The following BIRC3 variants were observed in gnomAD, a reference collection of about 807,000 sequenced individuals.
The protein encoded by BIRC3 is baculoviral IAP repeat-containing protein 3.
In BIRC3, 26 loss-of-function variants were observed where a neutral mutation model predicts 59.0. The ratio of observed to expected loss-of-function variants is 0.44; its 90% CI spans 0.32 to 0.61. The LOEUF (loss-of-function observed/expected upper bound fraction) is 0.61. BIRC3 is among the 20% of genes least tolerant of loss of function. BIRC3 has a pLI of 0.04. For missense variants in BIRC3, 641 were observed against 711.5 expected, an observed-to-expected ratio of 0.90 and a Z score of 1.13; for synonymous variants, 243 against 249.2, an observed-to-expected ratio of 0.98 and a Z score of 0.24.
rs1174548764 is a variant in BIRC3 at position 102,338,251 on chromosome 11, G to A, written c.*1149G>A. 4.4e-6 allele frequency: 1 copy of A among 227,502 alleles called. No individual in the cohort carries two copies. The highest frequency in any genetic ancestry group is 6.3e-5 in the East Asian group (1 of 15,906). The allele number at this position is 227,502 out of a possible 1,614,324, so 14.1% of individuals were successfully genotyped here. ...AAGAGCAGAAGTAAGACTGTAATAGGGAATACTCAGGGGAAGGCAGGCAAA... is the reference window on the plus strand; with the variant it reads ...AAGAGCAGAAGTAAGACTGTAATAGAGAATACTCAGGGGAAGGCAGGCAAA... On this transcript the variant is annotated 3_prime_UTR_variant, in exon 9 of 9. Coordinates refer to ENST00000263464, the MANE Select transcript of BIRC3 (RefSeq NM_001165.5).
At position 102,336,121 on chromosome 11, in the gene BIRC3, G is replaced by A. The variant is rs199509362; in HGVS notation, c.1480G>A (p.Glu494Lys). ...QKTQTSLQAR[E>K]LIDTILVKGN... ...GACACAGACGTCTTTACAAGCAAGAGAACTGATTGATACGATTTTAGTAAA... is the reference window on the plus strand; with the variant it reads ...GACACAGACGTCTTTACAAGCAAGAAAACTGATTGATACGATTTTAGTAAA... Residue 494 changes from glutamate (E) to lysine (K), a missense_variant, in exon 7 of 9, where the codon GAA becomes AAA. By Grantham distance (56) the Glu-to-Lys change is moderately conservative. Transcript: ENST00000263464. 9 of 1,613,842 alleles carry A rather than the reference G, an allele frequency of 5.6e-6. No homozygotes were observed. Among genetic ancestry groups the A allele is most frequent in the Admixed American group, 5.0e-5 (3 of 60,012 alleles).
chr11:102,332,131 C>T (rs1951148778), intron 6 of BIRC3, among the ~76,000 whole-genome samples: 1 of 152,190 alleles, frequency 6.6e-6, no homozygotes, highest in Admixed American at 6.5e-5. Context: ...TCATGTCCTT[C>T]CATACTAAAC....
In BIRC3 at chr11:102,337,276, A is replaced by G; in HGVS notation, c.*174A>G. 2.3e-6 allele frequency: 1 copy of G among 438,098 alleles called. No individual in the cohort carries two copies. The allele number at this position is 438,098 out of a possible 1,614,324, so 27.1% of individuals were successfully genotyped here. ...TAAACCATATGAACATATATTTTTT[A>G]GAAACTAAGAGAATGATAGGCTTTT... is the stretch of plus-strand genomic sequence containing the variant. On this transcript the variant is annotated 3_prime_UTR_variant, in exon 9 of 9. Coordinates refer to ENST00000263464, the MANE Select transcript of BIRC3 (RefSeq NM_001165.5).
At position 102,325,245 on chromosome 11, in the gene BIRC3, A is replaced by G; in HGVS notation, c.736A>G (p.Thr246Ala). Reference protein sequence around the residue: ...ENQLQDTSRYTVSNLSMQTHA... With the variant: ...ENQLQDTSRYAVSNLSMQTHA... ...TCAGCTTCAAGACACTTCAAGATAC[A>G]CAGTTTCTAATCTGAGCATGCAGAC... Residue 246 changes from threonine to alanine, a missense_variant, in exon 2 of 9, where the codon ACA becomes GCA. Thr to Ala is a moderately conservative substitution (Grantham distance 58). This residue lies in a region of BIRC3 where 329 missense variants were observed against 365.6 expected (regional missense o/e 0.90). Transcript: ENST00000263464. The G allele has an allele frequency of 6.2e-7, 1 of 1,614,128 alleles. No homozygotes were observed. The highest frequency in any genetic ancestry group is 1.1e-5 in the South Asian group (1 of 91,078).
Position 102,337,888 on chromosome 11 carries a change from C to A in BIRC3, c.*786C>A, listed in dbSNP as rs999298281. On this transcript the variant is annotated 3_prime_UTR_variant, in exon 9 of 9. Transcript: ENST00000263464. ...ACACTTGTAGAACACGGGGTCAACA[C>A]ATCATAAAATCTATTATGGAATGCC... 5.7e-5 allele frequency: 13 copies of A among 228,732 alleles called. No individual in the cohort carries two copies. Among genetic ancestry groups the A allele is most frequent in the Non-Finnish European group, 1.0e-4 (12 of 115,372 alleles). 14.2% of individuals were successfully genotyped at this position (228,732 alleles called of 1,614,324 possible). A position where few individuals can be genotyped will look rare whatever the true frequency, so the allele number is the denominator to read the frequency against.
intron 6 of BIRC3, among the ~76,000 whole-genome samples, chr11:102,334,505 T>C (rs1285551358): frequency 6.6e-6 from 1 of 151,906 alleles, no homozygotes; most frequent in Non-Finnish European, 1.5e-5. Flanking sequence ...CTTTTTTCCA[T>C]TTTTTATTCT....
At chr11:102,330,017 T>C (rs1239103792) in intron 5 of BIRC3, among the ~76,000 whole-genome samples, 1 of 151,806 alleles carries the variant, frequency 6.6e-6, no homozygotes, top group Admixed American at 6.6e-5. Context: ...AACAGACAAA[T>C]ACACAGACAG....
At chr11:102,318,272 G>A (rs1267093711) in intron 1 of BIRC3, among the ~76,000 whole-genome samples, 1 of 152,174 alleles carries the variant, frequency 6.6e-6, no homozygotes, top group African/African-American at 2.4e-5. Context: ...AGGAAACTGA[G>A]GCTCTTGGAG....
At chr11:102,329,929 A>G (rs1951123017) in intron 5 of BIRC3, among the ~76,000 whole-genome samples, 1 of 104,466 alleles carries the variant, frequency 9.6e-6, no homozygotes, top group Non-Finnish European at 1.8e-5. Context: ...TAGAACTTAA[A>G]GTAAAATAAT....
chr11:102,331,224 C>T lies in BIRC3; in HGVS notation c.1307C>T (p.Thr436Ile). The T allele has an allele frequency of 6.2e-7, 1 of 1,608,158 alleles. No individual in the cohort carries two copies. Among genetic ancestry groups the T allele is most frequent in the African/African-American group, 1.3e-5 (1 of 74,408 alleles). Residue 436 changes from threonine (T) to isoleucine (I), a missense_variant, in exon 6 of 9, where the codon ACT (threonine) becomes ATT (isoleucine). Thr to Ile is a moderately conservative substitution (Grantham distance 89). Transcript: ENST00000263464. Reference sequence around the variant, plus strand: ...AGGGAAGAGGAGAGAGAAAGAGCAACTGAGGAAAAAGAATCAAGTATGTAG... The same window carrying T: ...AGGGAAGAGGAGAGAGAAAGAGCAATTGAGGAAAAAGAATCAAGTATGTAG... ...EIREEERERA[T>I]EEKESNDLLL...
Position 102,337,311 on chromosome 11 carries a change from A to C in BIRC3, c.*209A>C. 2 of 411,836 alleles carry C rather than the reference A, an allele frequency of 4.9e-6. No homozygotes were observed. Among genetic ancestry groups the C allele is most frequent in the Non-Finnish European group, 8.4e-6 (2 of 236,830 alleles). The allele number at this position is 411,836 out of a possible 1,614,324, so 25.5% of individuals were successfully genotyped here. Reference sequence around the variant, plus strand: ...AGAATGATAGGCTTTTGTTCTTATGAACGAAAAAGAGGTAGCACTACAAAC... The same window carrying C: ...AGAATGATAGGCTTTTGTTCTTATGCACGAAAAAGAGGTAGCACTACAAAC... On this transcript the variant is annotated 3_prime_UTR_variant, in exon 9 of 9. Coordinates refer to ENST00000263464, the MANE Select transcript of BIRC3 (RefSeq NM_001165.5).
rs1254164933 is a variant in BIRC3, at chr11:102,338,416, A to G, written c.*1314A>G. On this transcript the variant is annotated 3_prime_UTR_variant, in exon 9 of 9. Transcript: ENST00000263464. Reference sequence around the variant, plus strand: ...AGGTTAACAAGAGAAAAACTTAACAAATTTATTTAATCACAGATTTACATC... The same window carrying G: ...AGGTTAACAAGAGAAAAACTTAACAGATTTATTTAATCACAGATTTACATC... The G allele has an allele frequency of 4.4e-6, 1 of 229,004 alleles. No homozygotes were observed. Among genetic ancestry groups the G allele is most frequent in the Non-Finnish European group, 8.7e-6 (1 of 115,416 alleles). 14.2% of individuals were successfully genotyped at this position (229,004 alleles called of 1,614,324 possible). A position where few individuals can be genotyped will look rare whatever the true frequency, so the allele number is the denominator to read the frequency against.
Position 102,325,882 on chromosome 11 carries a change from C to G in BIRC3, c.953+317C>G, listed in dbSNP as rs867562948. ...AAAATTAAAATGTCCAGAAATCTTA[C>G]CGCCTAAGGATGAGCATGGTTACCA... is the stretch of plus-strand genomic sequence containing the variant. On this transcript the variant is annotated intron_variant, in intron 3 of 8. Coordinates refer to ENST00000263464, the MANE Select transcript of BIRC3 (RefSeq NM_001165.5). Among the ~76,000 whole-genome samples the G allele has an allele frequency of 3.1e-4, 47 of 151,960 alleles. 1 individual carries two copies. Among genetic ancestry groups the G allele is most frequent in the African/African-American group, 1.1e-3 (47 of 41,380 alleles).
chr11:102,333,762 A>T (rs568789901), intron 6 of BIRC3, among the ~76,000 whole-genome samples: 1 of 152,184 alleles, frequency 6.6e-6, no homozygotes, highest in African/African-American at 2.4e-5. Flanking sequence ...GAATAAATAA[A>T]TAATAAAAGA....
intron 6 of BIRC3, 72 bp downstream of exon 6, chr11:102,331,313 C>T: frequency 7.1e-7 from 1 of 1,409,968 alleles, no homozygotes; most frequent in Non-Finnish European, 9.4e-7. Context: ...GAAAAATATA[C>T]TCATCTAGCA....
At chr11:102,330,537 G>A (rs1354702909) in intron 5 of BIRC3, among the ~76,000 whole-genome samples, 1 of 152,206 alleles carries the variant, frequency 6.6e-6, no homozygotes, top group Non-Finnish European at 1.5e-5. Flanking sequence ...TAAGAAGTGT[G>A]ACACATCATA....
At position 102,338,187 on chromosome 11, in the gene BIRC3, A is replaced by G. The variant is rs901560534; in HGVS notation, c.*1085A>G. Reference sequence around the variant, plus strand: ...TTGGTACTCAACACGTCCGAGTCATAACTCTGTCCTTTGCTTCTTATAGAG... The same window carrying G: ...TTGGTACTCAACACGTCCGAGTCATGACTCTGTCCTTTGCTTCTTATAGAG... On this transcript the variant is annotated 3_prime_UTR_variant, in exon 9 of 9. Transcript: ENST00000263464. 3 of 227,794 alleles carry G rather than the reference A, an allele frequency of 1.3e-5. No homozygotes were observed. The highest frequency in any genetic ancestry group is 2.6e-5 in the Non-Finnish European group (3 of 114,732). The allele number at this position is 227,794 out of a possible 1,614,324, so 14.1% of individuals were successfully genotyped here.
intron 3 of BIRC3, chr11:102,326,695 A>T (rs546808160): frequency 2.2e-6 from 1 of 454,108 alleles, no homozygotes; most frequent in Non-Finnish European, 4.4e-6. Context: ...ATCTTAACTT[A>T]TTTTGATTAC....
intron 3 of BIRC3, among the ~76,000 whole-genome samples, chr11:102,325,790 A>G (rs561057293): frequency 6.6e-6 from 1 of 152,072 alleles, no homozygotes; most frequent in African/African-American, 2.4e-5. Flanking sequence ...AGAAATATAT[A>G]TATATTTAAA....
Sources: gnomAD v4.1 joint callset for allele counts (sites outside exome capture counted in the v4.1 genomes callset) on GRCh38, gnomAD v4.1.1 for gene constraint, gnomAD v4.1.1 regional missense constraint, MANE v1.5 for transcripts, NCBI Gene and HGNC (gene_info 2026-07-23, HGNC 2026-07-21) for gene names.